CNTN4: variants seen among roughly 807,000 people sequenced by gnomAD.
CNTN4 encodes contactin-4.
Under a neutral mutation model 122.5 loss-of-function variants are expected in CNTN4, and 77 were observed. The observed-to-expected ratio is 0.63, with a 90% CI of 0.52 to 0.76. The LOEUF is 0.76. Among genes scored for constraint, CNTN4 ranks in the 30% least tolerant of loss-of-function variants. The probability of loss-of-function intolerance (pLI) is 0.00; values close to 1 mark genes in which losing one functional copy is unlikely to be tolerated. For missense variants in CNTN4, 1,256 were observed against 1,259.1 expected, an observed-to-expected ratio of 1.00 and a Z score of 0.04; for synonymous variants, 512 against 447.0, an observed-to-expected ratio of 1.15 and a Z score of -1.83.
intron 8 of CNTN4, among the ~76,000 whole-genome samples, chr3:2,871,890 G>T (rs4685573): frequency 6.6e-6 from 1 of 152,180 alleles, no homozygotes; most frequent in African/African-American, 2.4e-5. Flanking sequence ...TGTGAGAACA[G>T]ATTTTATCAG....
At chr3:2,433,488 T>G (rs1208670979) in intron 3 of CNTN4, among the ~76,000 whole-genome samples, 1 of 152,034 alleles carries the variant, frequency 6.6e-6, no homozygotes, top group Non-Finnish European at 1.5e-5. Flanking sequence ...ATTTGTGGGT[T>G]TTTTTGCTGT....
intron 2 of CNTN4, among the ~76,000 whole-genome samples, chr3:2,217,793 A>G (rs2038908837): frequency 6.6e-6 from 1 of 152,250 alleles, no homozygotes; most frequent in South Asian, 2.1e-4. Flanking sequence ...AGATGACCTT[A>G]GAACAACTAT....
At position 2,411,007 on chromosome 3, in the gene CNTN4, CA is replaced by C. The variant is rs1225268016; in HGVS notation, c.-89+71776del. Among the ~76,000 whole-genome samples, 11 of 152,282 alleles carry C rather than the reference CA, an allele frequency of 7.2e-5. No homozygotes were observed. The South Asian group carries it at 2.1e-3, about 29-fold the overall frequency. ...ACCAGCCAACAAATACAGACAAATG[CA>C]ATATTTCAACTGTACTTTACATATA... On this transcript the variant is annotated intron_variant, in intron 3 of 24. Transcript: ENST00000418658.
chr3:2,537,826 A>C (rs2149275870), intron 3 of CNTN4, among the ~76,000 whole-genome samples: 1 of 152,168 alleles, frequency 6.6e-6, no homozygotes, highest in South Asian at 2.1e-4. Context: ...TGCAGAAGGG[A>C]GCAAGCTGAA....
intron 4 of CNTN4, among the ~76,000 whole-genome samples, chr3:2,587,617 G>C (rs2080260926): frequency 6.6e-6 from 1 of 152,106 alleles, no homozygotes; most frequent in African/African-American, 2.4e-5. Context: ...TGATTCTCTA[G>C]ATTTCTTGTA....
chr3:2,668,569 T>C (rs2084310407), intron 4 of CNTN4, among the ~76,000 whole-genome samples: 1 of 152,204 alleles, frequency 6.6e-6, no homozygotes, highest in African/African-American at 2.4e-5. Context: ...CTTTTCCTAA[T>C]TGAATACCCT....
At chr3:2,663,096 T>C (rs2083980254) in intron 4 of CNTN4, among the ~76,000 whole-genome samples, 1 of 137,968 alleles carries the variant, frequency 7.2e-6, no homozygotes. Flanking sequence ...AGTGAGACTC[T>C]GTCTCAGAAG....
At chr3:2,823,063 T>C (rs1433513669) in intron 7 of CNTN4, among the ~76,000 whole-genome samples, 1 of 152,198 alleles carries the variant, frequency 6.6e-6, no homozygotes, top group African/African-American at 2.4e-5. Context: ...ACAATGATTA[T>C]CTGATGAAAT....
At chr3:2,336,360 T>C (rs895069092) in intron 2 of CNTN4, among the ~76,000 whole-genome samples, 8 of 152,160 alleles carry the variant, frequency 5.3e-5, no homozygotes, top group African/African-American at 1.9e-4. Context: ...GTAAAAGCTA[T>C]TGGTCTATGA....
At chr3:2,450,468 T>G (rs1350249796) in intron 3 of CNTN4, among the ~76,000 whole-genome samples, 1 of 152,194 alleles carries the variant, frequency 6.6e-6, no homozygotes, top group African/African-American at 2.4e-5. Context: ...GTATGTTTTC[T>G]TGTTTAAAGA....
intron 4 of CNTN4, among the ~76,000 whole-genome samples, chr3:2,590,064 A>T (rs118166576): frequency 1.4e-4 from 21 of 152,092 alleles, no homozygotes; most frequent in African/African-American, 5.1e-4. Context: ...AACCACCACA[A>T]TCTGTTCCTC....
chr3:2,169,125 C>T (rs990877770), intron 2 of CNTN4, among the ~76,000 whole-genome samples: 2 of 152,016 alleles, frequency 1.3e-5, no homozygotes, highest in Non-Finnish European at 2.9e-5. Flanking sequence ...AAAGGCTGTA[C>T]GAAGTAACAT....
chr3:2,310,492 G>A (rs750333424), intron 2 of CNTN4, among the ~76,000 whole-genome samples: 1 of 152,072 alleles, frequency 6.6e-6, no homozygotes, highest in Non-Finnish European at 1.5e-5. Flanking sequence ...AAAGCCTATG[G>A]AGACATTTGC....
At chr3:3,038,442 G>C (rs1015445954) in intron 18 of CNTN4, among the ~76,000 whole-genome samples, 1 of 152,086 alleles carries the variant, frequency 6.6e-6, no homozygotes, top group African/African-American at 2.4e-5. Context: ...GCGCTACTCC[G>C]GAACGCCCCC....
chr3:2,683,032 T>A (rs1449254006), intron 4 of CNTN4, among the ~76,000 whole-genome samples: 1 of 152,128 alleles, frequency 6.6e-6, no homozygotes, highest in Admixed American at 6.6e-5. Flanking sequence ...GTCTTGTCAC[T>A]TTCCTGTGTG....
At chr3:3,026,340 T>A in intron 15 of CNTN4, 63 bp downstream of exon 15, 1 of 1,376,514 alleles carries the variant, frequency 7.3e-7, no homozygotes, top group Non-Finnish European at 1.0e-6. Context: ...ACAATATATT[T>A]AAAGTTACTA....
intron 3 of CNTN4, among the ~76,000 whole-genome samples, chr3:2,470,099 T>G (rs2075633669): frequency 6.6e-6 from 1 of 151,632 alleles, no homozygotes; most frequent in African/African-American, 2.4e-5. Flanking sequence ...AGGGTCTCGC[T>G]CTCTCGCCCA....
At chr3:2,584,094 C>G (rs113576278) in intron 4 of CNTN4, among the ~76,000 whole-genome samples, 1,975 of 152,136 alleles carry the variant, frequency 0.013, 38 homozygotes, top group African/African-American at 0.045. Context: ...TTAAAATAGC[C>G]CAGTAACTGC....
intron 7 of CNTN4, chr3:2,866,412 G>T: frequency 9.0e-7 from 1 of 1,108,716 alleles, no homozygotes; most frequent in Non-Finnish European, 1.1e-6. Context: ...GGCACCCTGG[G>T]TCTGTAATTT....
Sources: allele counts gnomAD v4.1 joint callset (sites outside exome capture counted in the v4.1 genomes callset), GRCh38; gene constraint gnomAD v4.1.1; transcripts MANE v1.5; gene names NCBI Gene and HGNC (gene_info 2026-07-23, HGNC 2026-07-21).